TRAM2: variants seen among roughly 807,000 people sequenced by gnomAD.
TRAM2 encodes the protein translocation associated membrane protein 2.
A neutral mutation model predicts 51.0 loss-of-function variants in TRAM2; 12 were observed. The observed-to-expected ratio is 0.24, with a 90% confidence interval of 0.15 to 0.38. The LOEUF (loss-of-function observed/expected upper bound fraction) is 0.38, where lower values mean the gene tolerates loss of function less well. Ranked by LOEUF, TRAM2 falls within the 10% of genes least tolerant of loss-of-function variation. The probability of loss-of-function intolerance (pLI) is 1.00; values close to 1 mark genes in which losing one functional copy is unlikely to be tolerated. For missense variants in TRAM2, 361 were observed against 462.0 expected, an observed-to-expected ratio of 0.78 and a Z score of 2.00; for synonymous variants, 175 against 179.4, an observed-to-expected ratio of 0.98 and a Z score of 0.20.
intron 2 of TRAM2, among the ~76,000 whole-genome samples, chr6:52,525,818 TGAGTC>T (rs1766767233): frequency 6.6e-6 from 1 of 152,070 alleles, no homozygotes. Flanking sequence ...TAATTCAGAT[TGAGTC>T]TTTACAGAGA....
chr6:52,544,052 G>C (rs16882693), intron 1 of TRAM2, among the ~76,000 whole-genome samples: 14,945 of 152,224 alleles, frequency 0.098, 1,335 homozygotes, highest in East Asian at 0.49. Context: ...CATTTTGACT[G>C]AAGAGCTAGG....
intron 1 of TRAM2, among the ~76,000 whole-genome samples, chr6:52,550,884 A>G (rs1311040406): frequency 6.6e-6 from 1 of 152,144 alleles, no homozygotes; most frequent in Non-Finnish European, 1.5e-5. Context: ...GGACACTTTA[A>G]ACCAGCAAAA....
intron 1 of TRAM2, among the ~76,000 whole-genome samples, chr6:52,554,202 C>T (rs1323193093): frequency 3.3e-5 from 5 of 152,136 alleles, no homozygotes; most frequent in South Asian, 2.1e-4. Flanking sequence ...GGAAGGGATG[C>T]GGAGGCAGGG....
At chr6:52,566,160 C>A (rs1347093250) in intron 1 of TRAM2, among the ~76,000 whole-genome samples, 1 of 152,138 alleles carries the variant, frequency 6.6e-6, no homozygotes, top group Non-Finnish European at 1.5e-5. Flanking sequence ...GAATGATATG[C>A]ACGTTCAGGA....
At chr6:52,559,780 T>C (rs73429526) in intron 1 of TRAM2, among the ~76,000 whole-genome samples, 1 of 152,344 alleles carries the variant, frequency 6.6e-6, no homozygotes, top group African/African-American at 2.4e-5. Context: ...TCACAACAAA[T>C]GTATCTGCAC....
intron 1 of TRAM2, among the ~76,000 whole-genome samples, chr6:52,555,176 G>A (rs1767382172): frequency 6.6e-6 from 1 of 152,172 alleles, no homozygotes. Context: ...AAGATCCAGG[G>A]TGCGGGCTTC....
At chr6:52,555,957 C>T (rs921526380) in intron 1 of TRAM2, among the ~76,000 whole-genome samples, 50 of 152,114 alleles carry the variant, frequency 3.3e-4, no homozygotes, top group Admixed American at 3.0e-3. Flanking sequence ...ACATGTAAAA[C>T]GCAAAATCTC....
chr6:52,515,829 G>T, intron 4 of TRAM2, 177 bp downstream of exon 4: 1 of 628,788 alleles, frequency 1.6e-6, no homozygotes, highest in Non-Finnish European at 2.8e-6. Flanking sequence ...AATACCATGA[G>T]GATGCAAACA....
At chr6:52,571,731 G>C (rs1767684473) in intron 1 of TRAM2, among the ~76,000 whole-genome samples, 1 of 152,214 alleles carries the variant, frequency 6.6e-6, no homozygotes, top group Admixed American at 6.5e-5. Context: ...TAGCAGTGGA[G>C]AACTTGGGGG....
At chr6:52,531,559 G>C (rs1215195270) in intron 2 of TRAM2, among the ~76,000 whole-genome samples, 1 of 152,144 alleles carries the variant, frequency 6.6e-6, no homozygotes, top group Admixed American at 6.5e-5. Context: ...TGCCACCCTG[G>C]GAAAATGCCA....
chr6:52,519,860 C>T (rs1166786190), intron 2 of TRAM2, among the ~76,000 whole-genome samples: 2 of 151,340 alleles, frequency 1.3e-5, no homozygotes, highest in African/African-American at 4.8e-5. Context: ...GGGTGGACCT[C>T]GAGGACATTA....
chr6:52,551,537 C>T lies in TRAM2; in HGVS notation c.121-15691G>A, dbSNP rs192238260. Among the ~76,000 whole-genome samples, 14 of 152,292 alleles carry T rather than the reference C, an allele frequency of 9.2e-5. No individual in the cohort carries two copies. The East Asian group carries it at 2.5e-3, about 27-fold the overall frequency. On this transcript the variant is annotated intron_variant, in intron 1 of 10. Coordinates refer to ENST00000182527, the MANE Select transcript of TRAM2 (RefSeq NM_012288.4). ...GAGAGAAAGTCTGCAAACAAACGGGCCACTTATCTCCAGGAGTCTTTCTAC... is the reference window on the plus strand; with the variant it reads ...GAGAGAAAGTCTGCAAACAAACGGGTCACTTATCTCCAGGAGTCTTTCTAC...
chr6:52,510,360 T>G (rs928240276), intron 4 of TRAM2, among the ~76,000 whole-genome samples: 9 of 152,142 alleles, frequency 5.9e-5, no homozygotes, highest in African/African-American at 2.2e-4. Context: ...TTCTTTTAAA[T>G]GCAAAGAGCT....
chr6:52,561,855 G>A (rs1005127445), intron 1 of TRAM2, among the ~76,000 whole-genome samples: 4 of 152,120 alleles, frequency 2.6e-5, no homozygotes, highest in Non-Finnish European at 5.9e-5. Flanking sequence ...CAATCCACCC[G>A]CCTTGGCCTC....
At chr6:52,518,079 G>A (rs1766585337) in intron 2 of TRAM2, among the ~76,000 whole-genome samples, 1 of 152,210 alleles carries the variant, frequency 6.6e-6, no homozygotes, top group Admixed American at 6.5e-5. Context: ...CAGTGCAGCA[G>A]GGAGACTAAC....
intron 2 of TRAM2, among the ~76,000 whole-genome samples, chr6:52,518,304 T>A (rs1436945042): frequency 6.6e-6 from 1 of 152,044 alleles, no homozygotes. Flanking sequence ...CCACAAAGAA[T>A]GAAGGGACTG....
chr6:52,569,705 T>C (rs1247760054), intron 1 of TRAM2, among the ~76,000 whole-genome samples: 1 of 151,954 alleles, frequency 6.6e-6, no homozygotes, highest in Non-Finnish European at 1.5e-5. Flanking sequence ...TATCCACAAA[T>C]AATCTATCAG....
At position 52,500,896 on chromosome 6, in the gene TRAM2, A is replaced by C. The variant is rs372998914; in HGVS notation, c.*2301T>G. The stretch of plus-strand genomic sequence containing the variant: ...AGTTTAACCTGGACTCACCTGAGAG[A>C]GGCCTCCTGCATGTGAAGCCCTGCC... On this transcript the variant is annotated 3_prime_UTR_variant, in exon 11 of 11. Coordinates refer to ENST00000182527, the MANE Select transcript of TRAM2 (RefSeq NM_012288.4). 4 of 152,186 alleles carry C rather than the reference A, an allele frequency of 2.6e-5. No individual in the cohort carries two copies. Among genetic ancestry groups the C allele is most frequent in the African/African-American group, 9.7e-5 (4 of 41,444 alleles). The allele number at this position is 152,186 out of a possible 1,614,324, so 9.4% of individuals were successfully genotyped here. A position where few individuals can be genotyped will look rare whatever the true frequency, so the allele number is the denominator to read the frequency against.
chr6:52,497,764 G>GA lies in TRAM2; in HGVS notation c.*5432dup, dbSNP rs1448828672. The GA allele has an allele frequency of 6.6e-6, 1 of 152,500 alleles. No homozygotes were observed. The highest frequency in any genetic ancestry group is 1.5e-5 in the Non-Finnish European group (1 of 68,004). The allele number at this position is 152,500 out of a possible 1,614,324, so 9.4% of individuals were successfully genotyped here. ...AGATGTTTTTTTAAACAGAGGAACC[G>GA]AAAAATGAGGTTTACAGTCTCATCA... On this transcript the variant is annotated 3_prime_UTR_variant, in exon 11 of 11. Coordinates refer to ENST00000182527, the MANE Select transcript of TRAM2 (RefSeq NM_012288.4).
Sources: gnomAD v4.1 joint callset for allele counts (sites outside exome capture counted in the v4.1 genomes callset) on GRCh38, gnomAD v4.1.1 for gene constraint, MANE v1.5 for transcripts, NCBI Gene and HGNC (gene_info 2026-07-23, HGNC 2026-07-21) for gene names.